Variants in EML6 observed in about 807,000 individuals in gnomAD.
EML6 encodes EMAP like 6, also known as echinoderm microtubule-associated protein-like 6.
Under a neutral mutation model 240.1 loss-of-function variants are expected in EML6, and 154 were observed. The ratio of observed to expected loss-of-function variants is 0.64; its 90% CI spans 0.56 to 0.73. The LOEUF (loss-of-function observed/expected upper bound fraction) is 0.73, where lower values mean the gene tolerates loss of function less well. EML6 is among the 30% of genes least tolerant of loss of function. EML6 has a pLI of 0.00. For missense variants in EML6, 2,964 were observed against 2,474.6 expected (o/e 1.20, Z -4.20); for synonymous variants, 1,148 against 899.0 (o/e 1.28, Z -4.95).
intron 7 of EML6, among the ~76,000 whole-genome samples, chr2:54,840,473 T>C (rs1399493630): frequency 6.6e-6 from 1 of 152,242 alleles, no homozygotes; most frequent in Non-Finnish European, 1.5e-5. Flanking sequence ...TGCTTACATA[T>C]GTCTGGCCCC....
intron 6 of EML6, 149 bp from the exon 7 acceptor site, chr2:54,829,193 A>T (rs913423487): frequency 1.7e-6 from 1 of 592,446 alleles, no homozygotes. Flanking sequence ...ATAAATGGCT[A>T]CTTGGTCTAT....
intron 28 of EML6, among the ~76,000 whole-genome samples, chr2:54,932,040 C>A (rs1674891252): frequency 6.6e-6 from 1 of 152,208 alleles, no homozygotes; most frequent in Non-Finnish European, 1.5e-5. Context: ...TCAGATCCTG[C>A]TTCTTTGCAC....
At chr2:54,963,949 C>T (rs1676637485) in intron 36 of EML6, 37 bp from the exon 37 acceptor site, 1 of 1,524,180 alleles carries the variant, frequency 6.6e-7, no homozygotes, top group South Asian at 1.3e-5. Flanking sequence ...GCTGAGGGGG[C>T]CAAGAGCTCA....
Position 54,944,153 on chromosome 2 carries a change from G to C in EML6, c.4005-4729G>C, listed in dbSNP as rs566110130. 2.7e-4 allele frequency among the ~76,000 whole-genome samples: 41 copies of C among 152,016 alleles called. No homozygotes were observed. In the South Asian group the frequency reaches 3.3e-3, roughly 12 times the overall value. On this transcript the variant is annotated intron_variant, in intron 28 of 41. Transcript: ENST00000356458. The stretch of plus-strand genomic sequence containing the variant: ...TTAATCTTTTATATCCCACCCATTG[G>C]CTAGTGATTCCCAGGGTCATGTCAC...
intron 2 of EML6, among the ~76,000 whole-genome samples, chr2:54,765,491 C>T (rs537534352): frequency 6.6e-6 from 1 of 152,220 alleles, no homozygotes; most frequent in South Asian, 2.1e-4. Context: ...GATGGAGTCT[C>T]GCTTAGTCGC....
intron 2 of EML6, among the ~76,000 whole-genome samples, chr2:54,726,393 TCAAAGATCA>T (rs1682909166): frequency 6.6e-6 from 1 of 152,240 alleles, no homozygotes; most frequent in Admixed American, 6.5e-5. Context: ...GAGAATGATT[TCAAAGATCA>T]GCTTTTTTTT....
chr2:54,792,285 C>G (rs1220076223), intron 2 of EML6, among the ~76,000 whole-genome samples: 2 of 152,166 alleles, frequency 1.3e-5, no homozygotes, highest in Non-Finnish European at 2.9e-5. Flanking sequence ...TTTATTAATG[C>G]CCCCTGGGCT....
At chr2:54,895,128 C>T in intron 20 of EML6, 102 bp downstream of exon 20, 4 of 1,312,762 alleles carry the variant, frequency 3.0e-6, no homozygotes, top group Non-Finnish European at 4.3e-6. Context: ...TTTTCTCCCT[C>T]TTCCATGTTT....
chr2:54,927,140 C>T (rs1367969104), intron 26 of EML6, among the ~76,000 whole-genome samples: 1 of 152,186 alleles, frequency 6.6e-6, no homozygotes, highest in East Asian at 1.9e-4. Flanking sequence ...ACTAATGACT[C>T]TGGAGGGCCT....
chr2:54,894,266 G>T (rs1440083085), intron 19 of EML6, among the ~76,000 whole-genome samples: 1 of 150,894 alleles, frequency 6.6e-6, no homozygotes, highest in Non-Finnish European at 1.5e-5. Context: ...AGGAAAACTA[G>T]TACAGCCAAA....
In EML6 at chr2:54,968,283, T is replaced by G. The variant is rs1676836998; in HGVS notation, c.5751+2T>G. The G allele has an allele frequency of 6.4e-7, 1 of 1,551,608 alleles. No homozygotes were observed. The highest frequency in any genetic ancestry group is 8.7e-7 in the Non-Finnish European group (1 of 1,147,018). On this transcript the variant is annotated splice_donor_variant, in intron 40 of 41. Coordinates refer to ENST00000356458, the MANE Select transcript of EML6 (RefSeq NM_001039753.4). LOFTEE classifies it high-confidence loss of function. ...GATTTTCCATGCACAGAAAAATTTG[T>G]GAGTGTTCCTCAGAGTAACCTCCCT...
At chr2:54,869,580 G>A (rs115186827) in intron 15 of EML6, among the ~76,000 whole-genome samples, 3 of 152,122 alleles carry the variant, frequency 2.0e-5, no homozygotes, top group Non-Finnish European at 4.4e-5. Context: ...TCTTTTCCTG[G>A]AATGATGAGA....
chr2:54,923,080 T>A (rs1179406542), intron 26 of EML6, among the ~76,000 whole-genome samples: 1 of 151,796 alleles, frequency 6.6e-6, no homozygotes, highest in African/African-American at 2.4e-5. Context: ...TAGCTGAGAT[T>A]ACAGGCATGT....
At chr2:54,793,689 C>T (rs897569934) in intron 2 of EML6, among the ~76,000 whole-genome samples, 1 of 152,084 alleles carries the variant, frequency 6.6e-6, no homozygotes, top group Non-Finnish European at 1.5e-5. Context: ...AAACATTGGC[C>T]AGTTTTCCTT....
chr2:54,761,516 G>A (rs1667982101), intron 2 of EML6, among the ~76,000 whole-genome samples: 1 of 152,070 alleles, frequency 6.6e-6, no homozygotes, highest in Non-Finnish European at 1.5e-5. Context: ...ATCAAATTTG[G>A]TTGATCATTT....
chr2:54,915,390 G>A lies in EML6; in HGVS notation c.3499-1369G>A, dbSNP rs149863207. On this transcript the variant is annotated intron_variant, in intron 25 of 41. Coordinates refer to ENST00000356458, the MANE Select transcript of EML6 (RefSeq NM_001039753.4). ...TCTAGAATTTGGAAGGGAGTCAATG[G>A]CCAAAAGCATGCTTCCAGAACCAGC... Among the ~76,000 whole-genome samples, 26 of 152,232 alleles carry A rather than the reference G, an allele frequency of 1.7e-4. No individual in the cohort carries two copies. In the East Asian group the frequency reaches 4.3e-3, roughly 25 times the overall value.
intron 24 of EML6, among the ~76,000 whole-genome samples, chr2:54,906,476 A>G (rs1031698207): frequency 6.6e-6 from 1 of 152,182 alleles, no homozygotes; most frequent in Non-Finnish European, 1.5e-5. Flanking sequence ...CCCTATTTCC[A>G]TAATCTTGCC....
At position 54,871,532 on chromosome 2, in the gene EML6, C is replaced by G; in HGVS notation, c.2271C>G (p.Asp757Glu). 8 of 1,551,722 alleles carry G rather than the reference C, an allele frequency of 5.2e-6. No individual in the cohort carries two copies. The highest frequency in any genetic ancestry group is 7.0e-6 in the Non-Finnish European group (8 of 1,146,916). The change falls in exon 16 of 42, where the codon GAC (aspartate) becomes GAG (glutamate). Residue 757 changes from aspartate to glutamate, a missense_variant. Transcript: ENST00000356458. ...VGRDAAIHVW[D>E]TQTLKCLSLL... ...GAGATGCTGCTATTCATGTGTGGGACACACAAACTCTAAAATGTTTGTCGC... is the reference window on the plus strand; with the variant it reads ...GAGATGCTGCTATTCATGTGTGGGAGACACAAACTCTAAAATGTTTGTCGC...
chr2:54,899,088 A>G (rs960601507), intron 21 of EML6, among the ~76,000 whole-genome samples: 1 of 152,242 alleles, frequency 6.6e-6, no homozygotes, highest in Non-Finnish European at 1.5e-5. Context: ...AGGACGCTTG[A>G]AATGAAAATT....
Sources: allele counts gnomAD v4.1 joint callset (sites outside exome capture counted in the v4.1 genomes callset), GRCh38; gene constraint gnomAD v4.1.1; transcripts MANE v1.5; gene names NCBI Gene and HGNC (gene_info 2026-07-23, HGNC 2026-07-21).